The following WASF3 variants were observed in gnomAD, a reference collection of about 807,000 sequenced individuals.
WASF3 encodes the protein WASP family member 3.
A neutral mutation model predicts 46.6 loss-of-function variants in WASF3; 11 were observed. The ratio of observed to expected loss-of-function variants is 0.24; its 90% CI spans 0.15 to 0.39. The LOEUF (loss-of-function observed/expected upper bound fraction) is 0.39. Ranked by LOEUF, WASF3 falls within the 10% of genes least tolerant of loss-of-function variation. The pLI is 1.00. For missense variants in WASF3, 576 were observed against 669.8 expected (o/e 0.86, Z 1.55); for synonymous variants, 242 against 259.7 (o/e 0.93, Z 0.65).
intron 1 of WASF3, among the ~76,000 whole-genome samples, chr13:26,597,294 C>T (rs1026926122): frequency 3.3e-5 from 5 of 152,274 alleles, no homozygotes; most frequent in South Asian, 2.1e-4. Context: ...CCACCACACC[C>T]GGCTAATGTT....
In WASF3 at chr13:26,655,205, GACTTTTATGACCTTGAC is replaced by G. The variant is rs535974247; in HGVS notation, c.134-9783_134-9767del. ...TGAAATAGTTCCTCAGTCTTTCTGT[GACTTTTATGACCTTGAC>G]ACTTTTATGACCTTGACACTTTTAT... On this transcript the variant is annotated intron_variant, in intron 3 of 9. Transcript: ENST00000335327. Among the ~76,000 whole-genome samples the G allele has an allele frequency of 2.0e-3, 309 of 152,168 alleles. 2 individuals carry two copies. The highest frequency in any genetic ancestry group is 5.2e-3 in the African/African-American group (217 of 41,504).
chr13:26,676,841 T>A, intron 7 of WASF3, 117 bp downstream of exon 7: 1 of 987,780 alleles, frequency 1.0e-6, no homozygotes, highest in Non-Finnish European at 1.4e-6. Flanking sequence ...CTTGATGTCT[T>A]AAGATTTTCC....
intron 3 of WASF3, among the ~76,000 whole-genome samples, chr13:26,648,687 A>G (rs1421210532): frequency 6.6e-6 from 1 of 152,200 alleles, no homozygotes; most frequent in Non-Finnish European, 1.5e-5. Flanking sequence ...TGGGAGGAAC[A>G]CAGCAAGAAT....
At chr13:26,671,633 C>G (rs1420585281) in intron 5 of WASF3, among the ~76,000 whole-genome samples, 1 of 151,874 alleles carries the variant, frequency 6.6e-6, no homozygotes, top group Non-Finnish European at 1.5e-5. Flanking sequence ...TTTCTATACT[C>G]AATTCTAAAT....
chr13:26,553,046 T>TAAA (rs1016529838), upstream of WASF3, among the ~76,000 whole-genome samples: 14 of 152,192 alleles, frequency 9.2e-5, no homozygotes, highest in African/African-American at 2.2e-4. Context: ...CAAGAGGTTT[T>TAAA]AAAAATAGTT....
In WASF3 at chr13:26,676,607, A is replaced by G; in HGVS notation, c.599A>G (p.Asn200Ser). Residue 200 changes from asparagine (N) to serine (S), a missense_variant, in exon 7 of 10, where the codon AAC becomes AGC. By Grantham distance (46) the Asn-to-Ser change is conservative. Transcript: ENST00000335327. The part of the protein sequence containing the change: ...REVKKVRKAR[N>S]RRQEWNMMAY... ...GTGAAAAAGGTTAGAAAAGCCAGAAACAGGCGCCAGGAGTGGAATATGATG... is the reference window on the plus strand; with the variant it reads ...GTGAAAAAGGTTAGAAAAGCCAGAAGCAGGCGCCAGGAGTGGAATATGATG... 1 of 1,614,202 alleles carries G rather than the reference A, an allele frequency of 6.2e-7. No homozygotes were observed. The highest frequency in any genetic ancestry group is 1.1e-5 in the South Asian group (1 of 91,072).
chr13:26,680,983 T>G (rs747335215), intron 7 of WASF3, 71 bp from the exon 8 acceptor site: 3 of 1,531,550 alleles, frequency 2.0e-6, no homozygotes, highest in Non-Finnish European at 2.7e-6. Flanking sequence ...TTCAAATACA[T>G]CCATGTGCCT....
At chr13:26,671,826 C>T (rs1882932256) in intron 5 of WASF3, 46 bp from the exon 6 acceptor site, 2 of 1,350,500 alleles carry the variant, frequency 1.5e-6, no homozygotes, top group Non-Finnish European at 2.0e-6. Context: ...ATATAAAAGT[C>T]TCTAACAATC....
intron 1 of WASF3, among the ~76,000 whole-genome samples, chr13:26,580,145 T>C (rs1033826169): frequency 1.2e-4 from 19 of 152,218 alleles, no homozygotes; most frequent in Non-Finnish European, 2.2e-4. Flanking sequence ...GCCTTAGATA[T>C]TGAAAATTAG....
intron 2 of WASF3, among the ~76,000 whole-genome samples, chr13:26,621,516 G>A (rs1224814028): frequency 2.6e-5 from 4 of 152,140 alleles, no homozygotes; most frequent in African/African-American, 9.6e-5. Flanking sequence ...ACAGAGTCGT[G>A]TAGTGTTAGT....
At chr13:26,661,678 C>T (rs536086079) in intron 3 of WASF3, among the ~76,000 whole-genome samples, 1 of 152,306 alleles carries the variant, frequency 6.6e-6, no homozygotes, top group African/African-American at 2.4e-5. Context: ...GGGGGAACCA[C>T]CACACAGTTT....
the WASF3 span, among the ~76,000 whole-genome samples, chr13:26,543,033 G>T: frequency 6.6e-6 from 1 of 152,102 alleles, no homozygotes; most frequent in African/African-American, 2.4e-5. Context: ...ACATGATGGA[G>T]GGTAGTGCAG....
intron 2 of WASF3, among the ~76,000 whole-genome samples, chr13:26,625,425 C>T (rs1340152130): frequency 6.6e-6 from 1 of 152,062 alleles, no homozygotes; most frequent in Non-Finnish European, 1.5e-5. Context: ...GCCAAAGACT[C>T]GAGGACCTGG....
chr13:26,612,699 C>A (rs1881014830), intron 1 of WASF3, among the ~76,000 whole-genome samples: 1 of 152,128 alleles, frequency 6.6e-6, no homozygotes, highest in Non-Finnish European at 1.5e-5. Context: ...TTAGACTTGA[C>A]TTTTTCTTTT....
At chr13:26,597,655 C>G (rs1337982315) in intron 1 of WASF3, among the ~76,000 whole-genome samples, 1 of 152,026 alleles carries the variant, frequency 6.6e-6, no homozygotes, top group East Asian at 1.9e-4. Context: ...GTGATGTTCC[C>G]CTTCCTGTGT....
chr13:26,678,668 C>T (rs1883136482), intron 7 of WASF3, among the ~76,000 whole-genome samples: 2 of 152,070 alleles, frequency 1.3e-5, no homozygotes, highest in South Asian at 4.1e-4. Context: ...TGCTCTCTCT[C>T]TAGATTGTTA....
intron 3 of WASF3, among the ~76,000 whole-genome samples, chr13:26,659,332 G>A (rs1882556203): frequency 6.6e-6 from 1 of 152,202 alleles, no homozygotes; most frequent in African/African-American, 2.4e-5. Flanking sequence ...GAAACAGTGA[G>A]GAAGCCAGGG....
chr13:26,675,283 C>CCCAAGATCTGGGCCATTCACCACA (rs1555255498), intron 6 of WASF3, among the ~76,000 whole-genome samples: 1 of 152,104 alleles, frequency 6.6e-6, no homozygotes, highest in Non-Finnish European at 1.5e-5. Flanking sequence ...GGGCCATTCA[C>CCCAAGATCTGGGCCATTCACCACA]CCCAATGTAC....
At chr13:26,611,031 CTTTTTT>C (rs71080282) in intron 1 of WASF3, among the ~76,000 whole-genome samples, 1 of 110,578 alleles carries the variant, frequency 9.0e-6, no homozygotes, top group Non-Finnish European at 1.8e-5. Flanking sequence ...TTACTTACTC[CTTTTTT>C]TTTTTTTTTT....
Sources: allele counts gnomAD v4.1 joint callset (sites outside exome capture counted in the v4.1 genomes callset), GRCh38; gene constraint gnomAD v4.1.1; transcripts MANE v1.5; gene names NCBI Gene and HGNC (gene_info 2026-07-23, HGNC 2026-07-21).